The following SGMS1 variants were observed in gnomAD, a reference collection of about 807,000 sequenced individuals.
SGMS1 encodes the protein sphingomyelin synthase 1.
A neutral mutation model predicts 46.2 loss-of-function variants in SGMS1; 13 were observed. The observed-to-expected ratio is 0.28, with a 90% CI of 0.18 to 0.45. SGMS1 has a LOEUF of 0.45. Ranked by LOEUF, SGMS1 falls within the 20% of genes least tolerant of loss-of-function variation. SGMS1 has a pLI of 1.00. For synonymous variants in SGMS1, 203 were observed against 187.8 expected (o/e 1.08, Z -0.66); for missense variants, 324 against 519.9 (o/e 0.62, Z 3.66).
chr10:50,355,991 C>G (rs549902653), intron 6 of SGMS1, among the ~76,000 whole-genome samples: 1 of 151,970 alleles, frequency 6.6e-6, no homozygotes, highest in South Asian at 2.1e-4. Flanking sequence ...GGAGCCCCTC[C>G]GCTCGGCAGC....
chr10:50,615,807 G>A (rs1838791169), intron 1 of SGMS1, among the ~76,000 whole-genome samples: 1 of 152,124 alleles, frequency 6.6e-6, no homozygotes, highest in Non-Finnish European at 1.5e-5. Context: ...ACTTCACAGA[G>A]CAGAATCTCT....
At chr10:50,445,387 G>A (rs748063971) in intron 5 of SGMS1, among the ~76,000 whole-genome samples, 3 of 152,122 alleles carry the variant, frequency 2.0e-5, no homozygotes, top group Admixed American at 6.6e-5. Context: ...GAAAACTTGT[G>A]AACTTGTGTC....
At chr10:50,620,200 C>G (rs565131850) in intron 1 of SGMS1, among the ~76,000 whole-genome samples, 15 of 152,250 alleles carry the variant, frequency 9.9e-5, no homozygotes, top group Non-Finnish European at 2.2e-4. Context: ...CTCCCAACTC[C>G]CACATCCAAG....
intron 2 of SGMS1, among the ~76,000 whole-genome samples, chr10:50,546,209 A>T (rs979875181): frequency 6.6e-6 from 1 of 152,102 alleles, no homozygotes; most frequent in African/African-American, 2.4e-5. Context: ...TCTGCTTTAG[A>T]AAGTTTTCCT....
At chr10:50,496,078 A>G (rs1265528883) in intron 3 of SGMS1, among the ~76,000 whole-genome samples, 3 of 152,242 alleles carry the variant, frequency 2.0e-5, no homozygotes, top group Non-Finnish European at 4.4e-5. Flanking sequence ...TTACATGATA[A>G]GCATGACCAA....
chr10:50,466,676 A>G (rs1441381343), intron 4 of SGMS1, among the ~76,000 whole-genome samples: 1 of 152,184 alleles, frequency 6.6e-6, no homozygotes, highest in African/African-American at 2.4e-5. Flanking sequence ...TAGTTATAAT[A>G]TCCCATTTTG....
intron 1 of SGMS1, among the ~76,000 whole-genome samples, chr10:50,599,056 T>C (rs1402362259): frequency 2.6e-5 from 4 of 152,052 alleles, no homozygotes; most frequent in Admixed American, 2.0e-4. Flanking sequence ...CTCCACTGTA[T>C]AATGGAAGCC....
At chr10:50,354,281 A>C (rs1848091599) in intron 6 of SGMS1, among the ~76,000 whole-genome samples, 1 of 152,200 alleles carries the variant, frequency 6.6e-6, no homozygotes, top group Admixed American at 6.5e-5. Flanking sequence ...CTCAGAAATA[A>C]TGCCGCATAT....
intron 2 of SGMS1, among the ~76,000 whole-genome samples, chr10:50,542,613 A>G (rs1838063721): frequency 7.2e-6 from 1 of 139,680 alleles, no homozygotes; most frequent in Non-Finnish European, 1.5e-5. Context: ...ATAGGAAAAC[A>G]GAGAAAACAG....
intron 2 of SGMS1, among the ~76,000 whole-genome samples, chr10:50,561,289 A>G (rs567755632): frequency 1.3e-5 from 2 of 152,316 alleles, no homozygotes; most frequent in South Asian, 2.1e-4. Flanking sequence ...AAACAGTACA[A>G]TGAAGTAGGT....
At chr10:50,327,179 C>T (rs2246994) in intron 8 of SGMS1, 26 bp downstream of exon 8, 24 of 1,395,904 alleles carry the variant, frequency 1.7e-5, no homozygotes, top group Middle Eastern at 3.5e-4. Flanking sequence ...AAACAGAAAG[C>T]GAAATTACAG....
At chr10:50,601,434 T>C (rs1838649104) in intron 1 of SGMS1, among the ~76,000 whole-genome samples, 1 of 152,222 alleles carries the variant, frequency 6.6e-6, no homozygotes, top group Non-Finnish European at 1.5e-5. Context: ...TAGCTGCCTG[T>C]TTCAAATTTC....
intron 2 of SGMS1, among the ~76,000 whole-genome samples, chr10:50,567,805 CA>C (rs1371131972): frequency 6.6e-6 from 1 of 152,190 alleles, no homozygotes; most frequent in African/African-American, 2.4e-5. Context: ...TCTTTTTCCA[CA>C]GGGGGAAAAG....
chr10:50,452,837 G>A (rs900015255), intron 5 of SGMS1, among the ~76,000 whole-genome samples: 3 of 152,170 alleles, frequency 2.0e-5, no homozygotes, highest in African/African-American at 7.2e-5. Flanking sequence ...AGCATCTTCA[G>A]GGGGTGGAAA....
At chr10:50,464,749 A>G (rs1207537545) in intron 4 of SGMS1, among the ~76,000 whole-genome samples, 1 of 152,136 alleles carries the variant, frequency 6.6e-6, no homozygotes, top group Non-Finnish European at 1.5e-5. Flanking sequence ...ATTTTAGCCC[A>G]GTGAGACCTG....
At chr10:50,554,772 C>T (rs1341901512) in intron 2 of SGMS1, among the ~76,000 whole-genome samples, 1 of 152,224 alleles carries the variant, frequency 6.6e-6, no homozygotes, top group Non-Finnish European at 1.5e-5. Flanking sequence ...CCCTTCTACT[C>T]CCCCAATTGC....
In SGMS1 at chr10:50,306,200, C is replaced by G. The variant is rs1455482970; in HGVS notation, c.*942G>C. 6.6e-6 allele frequency: 1 copy of G among 152,538 alleles called. No individual in the cohort carries two copies. Among genetic ancestry groups the G allele is most frequent in the South Asian group, 2.1e-4 (1 of 4,828 alleles). The allele number at this position is 152,538 out of a possible 1,614,324, so 9.4% of individuals were successfully genotyped here. A position where few individuals can be genotyped will look rare whatever the true frequency, so the allele number is the denominator to read the frequency against. On this transcript the variant is annotated 3_prime_UTR_variant, in exon 11 of 11. Coordinates refer to ENST00000361781, the MANE Select transcript of SGMS1 (RefSeq NM_147156.4). ...TTGCTACCTGATCACAATATGTGAA[C>G]AGGCTCTGACTCTAATTAACAACCT...
chr10:50,484,193 T>C (rs2133725641), intron 3 of SGMS1, among the ~76,000 whole-genome samples: 1 of 151,454 alleles, frequency 6.6e-6, no homozygotes, highest in African/African-American at 2.4e-5. Flanking sequence ...CTAGACAAAA[T>C]AAAAAATGAT....
intron 6 of SGMS1, among the ~76,000 whole-genome samples, chr10:50,410,940 C>G (rs1008929239): frequency 1.3e-5 from 2 of 152,170 alleles, no homozygotes; most frequent in Non-Finnish European, 1.5e-5. Context: ...AGTTCTATAA[C>G]CAAGTTATGG....
Sources: gnomAD v4.1 joint callset for allele counts (sites outside exome capture counted in the v4.1 genomes callset) on GRCh38, gnomAD v4.1.1 for gene constraint, MANE v1.5 for transcripts, NCBI Gene and HGNC (gene_info 2026-07-23, HGNC 2026-07-21) for gene names.